The following GLIS3 variants were observed in gnomAD, a reference collection of about 807,000 sequenced individuals.
GLIS3 encodes zinc finger protein GLIS3.
Under a neutral mutation model 78.6 loss-of-function variants are expected in GLIS3, and 53 were observed. That is an observed-to-expected ratio of 0.67 (90% CI 0.54 to 0.85). The LOEUF (loss-of-function observed/expected upper bound fraction) is 0.85. Ranked by LOEUF, GLIS3 falls within the 40% of genes least tolerant of loss-of-function variation. GLIS3 has a pLI of 0.00. For synonymous variants in GLIS3, 684 were observed against 509.9 expected (o/e 1.34, Z -4.60); for missense variants, 1,703 against 1,231.1 (o/e 1.38, Z -5.74).
chr9:3,874,575 G>C lies in GLIS3; in HGVS notation c.2297+4852C>G, dbSNP rs1413509347. Reference sequence around the variant, plus strand: ...CAAAATCACCCAGGTCTTGCAACTGGCATCAGAAGTGGGGGGCAGTCCTGT... The same window carrying C: ...CAAAATCACCCAGGTCTTGCAACTGCCATCAGAAGTGGGGGGCAGTCCTGT... On this transcript the variant is annotated intron_variant, in intron 8 of 10. Transcript: ENST00000381971. 2.0e-5 allele frequency among the ~76,000 whole-genome samples: 3 copies of C among 152,148 alleles called. No homozygotes were observed. In the East Asian group the frequency reaches 5.8e-4, roughly 29 times the overall value.
At chr9:4,250,273 A>G (rs1305300994) in intron 2 of GLIS3, among the ~76,000 whole-genome samples, 2 of 152,044 alleles carry the variant, frequency 1.3e-5, no homozygotes, top group Non-Finnish European at 2.9e-5. Flanking sequence ...TTGGTAGGCT[A>G]TTATTGCCTC....
At chr9:4,359,636 A>C in the GLIS3 span, among the ~76,000 whole-genome samples, 2 of 152,208 alleles carry the variant, frequency 1.3e-5, no homozygotes, top group Non-Finnish European at 2.9e-5. Context: ...GTGAGATCCA[A>C]GACCTGGATT....
At chr9:4,251,307 A>G (rs1376917956) in intron 2 of GLIS3, among the ~76,000 whole-genome samples, 1 of 152,078 alleles carries the variant, frequency 6.6e-6, no homozygotes, top group Non-Finnish European at 1.5e-5. Context: ...GACTGCATGT[A>G]TATTTAGGAT....
At chr9:3,956,117 C>A (rs2130862661) in intron 4 of GLIS3, among the ~76,000 whole-genome samples, 1 of 149,256 alleles carries the variant, frequency 6.7e-6, no homozygotes, top group East Asian at 2.0e-4. Flanking sequence ...ATGAAAAAAA[C>A]TCTTCTGGTT....
intron 4 of GLIS3, among the ~76,000 whole-genome samples, chr9:3,980,368 G>C (rs974124917): frequency 2.6e-5 from 4 of 152,210 alleles, no homozygotes; most frequent in African/African-American, 9.6e-5. Flanking sequence ...GTAAGTGGCA[G>C]AGCTGGGATT....
chr9:4,165,311 C>T (rs1370697850), intron 2 of GLIS3, among the ~76,000 whole-genome samples: 11 of 152,254 alleles, frequency 7.2e-5, no homozygotes, highest in Admixed American at 7.2e-4. Context: ...CGTGGTGGCA[C>T]ATGCCTGTAA....
chr9:4,322,130 T>C (rs1453355537), intron 2 of GLIS3, among the ~76,000 whole-genome samples: 1 of 152,158 alleles, frequency 6.6e-6, no homozygotes. Flanking sequence ...CATGCGGTGT[T>C]TGGTTTTCCA....
the GLIS3 span, among the ~76,000 whole-genome samples, chr9:4,446,666 T>C: frequency 0.25 from 36,613 of 149,214 alleles, 4,712 homozygotes; most frequent in Middle Eastern, 0.39. Context: ...CACACCACCA[T>C]GCCCGGCTAA....
chr9:3,992,642 A>G (rs1337206052), intron 4 of GLIS3, among the ~76,000 whole-genome samples: 3 of 152,380 alleles, frequency 2.0e-5, no homozygotes, highest in Admixed American at 6.5e-5. Flanking sequence ...CTTATTCAAC[A>G]TAACTGTTTT....
chr9:4,182,476 T>A (rs1382962493), intron 2 of GLIS3, among the ~76,000 whole-genome samples: 4 of 152,224 alleles, frequency 2.6e-5, no homozygotes, highest in East Asian at 3.8e-4. Flanking sequence ...CTGTCGGGGA[T>A]ATTTTATCAT....
the GLIS3 span, among the ~76,000 whole-genome samples, chr9:4,454,459 T>G: frequency 6.6e-6 from 1 of 152,212 alleles, no homozygotes. Context: ...GTTATATATG[T>G]CTTATCTAAA....
At chr9:4,002,302 A>G (rs1457817482) in intron 4 of GLIS3, among the ~76,000 whole-genome samples, 2 of 152,160 alleles carry the variant, frequency 1.3e-5, no homozygotes, top group African/African-American at 4.8e-5. Context: ...GAACCTTCTG[A>G]CTTTCATCCA....
intron 4 of GLIS3, among the ~76,000 whole-genome samples, chr9:4,079,692 A>G (rs1446017336): frequency 6.6e-6 from 1 of 152,098 alleles, no homozygotes; most frequent in Non-Finnish European, 1.5e-5. Flanking sequence ...CTACTTTTAA[A>G]TCCACTCAAA....
chr9:4,460,133 G>T, the GLIS3 span, among the ~76,000 whole-genome samples: 1 of 152,004 alleles, frequency 6.6e-6, no homozygotes, highest in African/African-American at 2.4e-5. Context: ...AAGGCAATTT[G>T]GTGGCTCGGT....
intron 4 of GLIS3, among the ~76,000 whole-genome samples, chr9:3,952,833 A>G (rs183154327): frequency 6.6e-6 from 1 of 152,278 alleles, no homozygotes; most frequent in Non-Finnish European, 1.5e-5. Flanking sequence ...TCTGGATGCT[A>G]CATTTCTAAA....
At chr9:4,312,298 T>C (rs1817375233) in intron 2 of GLIS3, among the ~76,000 whole-genome samples, 1 of 152,100 alleles carries the variant, frequency 6.6e-6, no homozygotes, top group Admixed American at 6.6e-5. Flanking sequence ...CAAAACCCCA[T>C]CTCTACTAAA....
chr9:4,437,142 C>T, the GLIS3 span, among the ~76,000 whole-genome samples: 1 of 152,088 alleles, frequency 6.6e-6, no homozygotes, highest in Admixed American at 6.6e-5. Flanking sequence ...ATTTTCTCAC[C>T]TGAATCGTTA....
intron 4 of GLIS3, among the ~76,000 whole-genome samples, chr9:4,090,291 G>A (rs1256492123): frequency 2.6e-5 from 4 of 152,004 alleles, no homozygotes; most frequent in South Asian, 4.2e-4. Flanking sequence ...CTGCGGTCCT[G>A]GCTCAATATA....
the GLIS3 span, among the ~76,000 whole-genome samples, chr9:4,392,936 TC>T: frequency 1.3e-5 from 2 of 151,886 alleles, no homozygotes; most frequent in South Asian, 2.1e-4. Flanking sequence ...ATATATTGGA[TC>T]TTTTTTTTTT....
Sources: allele counts gnomAD v4.1 joint callset (sites outside exome capture counted in the v4.1 genomes callset), GRCh38; gene constraint gnomAD v4.1.1; transcripts MANE v1.5; gene names NCBI Gene and HGNC (gene_info 2026-07-23, HGNC 2026-07-21).